The following ADAM12 variants were observed in gnomAD, a reference collection of about 807,000 sequenced individuals.
ADAM12 encodes the protein ADAM metallopeptidase domain 12, also known as disintegrin and metalloproteinase domain-containing protein 12.
A neutral mutation model predicts 106.4 loss-of-function variants in ADAM12; 70 were observed. The ratio of observed to expected loss-of-function variants is 0.66; its 90% CI spans 0.54 to 0.80. The LOEUF (loss-of-function observed/expected upper bound fraction) is 0.80, where lower values mean the gene tolerates loss of function less well. Among genes scored for constraint, ADAM12 ranks in the 30% least tolerant of loss-of-function variants. The pLI, the probability that ADAM12 is intolerant of heterozygous loss-of-function variation, is 0.00. For synonymous variants in ADAM12, 420 were observed against 433.5 expected (o/e 0.97, Z 0.39); for missense variants, 1,010 against 1,171.9 (o/e 0.86, Z 2.02).
At position 126,344,891 on chromosome 10, in the gene ADAM12, T is replaced by C. The variant is rs533727322; in HGVS notation, c.89-14382A>G. 8.1e-4 allele frequency among the ~76,000 whole-genome samples: 123 copies of C among 152,344 alleles called. 3 individuals carry two copies. The South Asian group carries it at 0.015, about 18-fold the overall frequency. On this transcript the variant is annotated intron_variant, in intron 1 of 22. Coordinates refer to ENST00000448723, the MANE Select transcript of ADAM12 (RefSeq NM_001288973.2). ...TTGATTTTGTATCCTGAGACTTTGCTGAAGTTGCTTATCAGCTTAAGGAGA... is the reference window on the plus strand; with the variant it reads ...TTGATTTTGTATCCTGAGACTTTGCCGAAGTTGCTTATCAGCTTAAGGAGA...
chr10:126,129,233 G>A (rs1157141969), intron 5 of ADAM12, among the ~76,000 whole-genome samples: 1 of 152,250 alleles, frequency 6.6e-6, no homozygotes, highest in African/African-American at 2.4e-5. Flanking sequence ...CCAGATACCT[G>A]AGTCAGAGCT....
intron 2 of ADAM12, among the ~76,000 whole-genome samples, chr10:126,301,002 T>C (rs376069050): frequency 6.6e-6 from 1 of 152,204 alleles, no homozygotes; most frequent in African/African-American, 2.4e-5. Flanking sequence ...TGGTTTCAAC[T>C]TGGGGCGATT....
chr10:126,342,647 A>G (rs756893116), intron 1 of ADAM12, among the ~76,000 whole-genome samples: 5 of 152,208 alleles, frequency 3.3e-5, no homozygotes, highest in Admixed American at 6.5e-5. Context: ...ATTCTGATCT[A>G]TTCCCACAGA....
intron 2 of ADAM12, among the ~76,000 whole-genome samples, chr10:126,284,510 C>T (rs905798194): frequency 6.6e-6 from 1 of 152,044 alleles, no homozygotes; most frequent in Non-Finnish European, 1.5e-5. Flanking sequence ...AGTCTTCTCA[C>T]CTCTACTATC....
At chr10:126,060,778 T>C (rs1055707839) in intron 14 of ADAM12, among the ~76,000 whole-genome samples, 2 of 152,194 alleles carry the variant, frequency 1.3e-5, no homozygotes, top group African/African-American at 4.8e-5. Flanking sequence ...AGGATTCACA[T>C]CCGCCCTCCC....
chr10:126,174,097 C>T (rs1322530856), intron 3 of ADAM12, among the ~76,000 whole-genome samples: 1 of 148,236 alleles, frequency 6.7e-6, no homozygotes, highest in East Asian at 2.0e-4. Context: ...AACCTCCCGC[C>T]TCCCGGTTTC....
chr10:126,209,675 T>C (rs747610584), intron 3 of ADAM12, among the ~76,000 whole-genome samples: 26 of 152,314 alleles, frequency 1.7e-4, no homozygotes, highest in South Asian at 8.3e-4. Flanking sequence ...TTTTTAGATA[T>C]AAAAAGTTTT....
chr10:126,048,721 C>CAA lies in ADAM12; in HGVS notation c.1917+530_1917+531dup, dbSNP rs59922804. Among the ~76,000 whole-genome samples, 719 of 140,604 alleles carry CAA rather than the reference C, an allele frequency of 5.1e-3. 6 individuals carry two copies. The highest frequency in any genetic ancestry group is 0.018 in the African/African-American group (686 of 38,622). The allele number at this position is 140,604 out of a possible 152,430, so 92.2% of individuals were successfully genotyped here. A position where few individuals can be genotyped will look rare whatever the true frequency, so the allele number is the denominator to read the frequency against. On this transcript the variant is annotated intron_variant, in intron 16 of 22. Transcript: ENST00000448723. ...AAAATCTCAAATTCTTTTTTTCTTC[C>CAA]AAAAAAAAAAAAAGTTTGACTTTAT... is the stretch of plus-strand genomic sequence containing the variant.
Position 126,076,927 on chromosome 10 carries a change from A to T in ADAM12, c.1146-5273T>A, listed in dbSNP as rs577294192. 2.6e-5 allele frequency among the ~76,000 whole-genome samples: 4 copies of T among 152,180 alleles called. No homozygotes were observed. The South Asian group carries it at 8.3e-4, about 32-fold the overall frequency. ...ATAAATTATTTGCCAAAGCCAAAAT[A>T]AAAGGCATCCAAATAGGAAAAGAAG... is the stretch of plus-strand genomic sequence containing the variant. On this transcript the variant is annotated intron_variant, in intron 11 of 22. Transcript: ENST00000448723.
Position 126,158,545 on chromosome 10 carries a change from G to A in ADAM12, c.261-3240C>T, listed in dbSNP as rs558110898. 3.1e-4 allele frequency among the ~76,000 whole-genome samples: 33 copies of A among 106,396 alleles called. 4 individuals carry two copies. Among genetic ancestry groups the A allele is most frequent in the African/African-American group, 9.4e-4 (29 of 30,710 alleles). The allele number at this position is 106,396 out of a possible 152,430, so 69.8% of individuals were successfully genotyped here. ...GGGAGGATGCACAGAGCACGGGGAG[G>A]ATGCACAGAGCATGGGGCAGGGATG... On this transcript the variant is annotated intron_variant, in intron 3 of 22. Transcript: ENST00000448723.
rs943771378 is a variant in ADAM12 at position 126,295,736 on chromosome 10, A to G, written c.187-16748T>C. ...AACCATGCACACTCTTTTGTCCCCA[A>G]TATGCCTGGACTTTTTGGTGGCCTA... On this transcript the variant is annotated intron_variant, in intron 2 of 22. Transcript: ENST00000448723. Among the ~76,000 whole-genome samples the G allele has an allele frequency of 4.6e-5, 7 of 152,328 alleles. No individual in the cohort carries two copies. The South Asian group carries it at 8.3e-4, about 18-fold the overall frequency.
chr10:126,359,220 A>G, intron 1 of ADAM12, among the ~76,000 whole-genome samples: 1 of 152,184 alleles, frequency 6.6e-6, no homozygotes, highest in East Asian at 1.9e-4. Context: ...TTGGGTGGGG[A>G]CACAGCCAAA....
At chr10:126,235,961 G>T (rs367614672) in intron 3 of ADAM12, among the ~76,000 whole-genome samples, 2 of 152,102 alleles carry the variant, frequency 1.3e-5, no homozygotes, top group East Asian at 1.9e-4. Flanking sequence ...AAGGGGCTGG[G>T]GGAGCAGAGG....
intron 3 of ADAM12, among the ~76,000 whole-genome samples, chr10:126,157,589 C>T (rs34135052): frequency 0.13 from 19,981 of 152,278 alleles, 1,422 homozygotes; most frequent in East Asian, 0.16. Context: ...GTCTACTTAA[C>T]AGCGAGTGTT....
chr10:126,261,259 A>G (rs1480211934), intron 3 of ADAM12, among the ~76,000 whole-genome samples: 1 of 152,198 alleles, frequency 6.6e-6, no homozygotes, highest in Admixed American at 6.5e-5. Context: ...TAAAAATTCT[A>G]TATGGGAACC....
At chr10:126,170,658 A>C (rs1838554176) in intron 3 of ADAM12, among the ~76,000 whole-genome samples, 1 of 152,216 alleles carries the variant, frequency 6.6e-6, no homozygotes, top group African/African-American at 2.4e-5. Context: ...GGGACAAGGA[A>C]GGATTGTAAA....
chr10:126,276,883 A>G (rs1476321680), intron 3 of ADAM12, among the ~76,000 whole-genome samples: 2 of 152,224 alleles, frequency 1.3e-5, no homozygotes, highest in African/African-American at 4.8e-5. Context: ...CTAGCAGTCA[A>G]CGTGTATTAT....
chr10:126,108,748 T>C, intron 7 of ADAM12, 84 bp from the exon 8 acceptor site: 1 of 1,326,912 alleles, frequency 7.5e-7, no homozygotes, highest in Non-Finnish European at 1.1e-6. Context: ...ATGTGAAGTC[T>C]TGGGATTTTA....
chr10:126,122,870 A>G (rs1464552711), intron 5 of ADAM12, among the ~76,000 whole-genome samples: 1 of 152,238 alleles, frequency 6.6e-6, no homozygotes, highest in African/African-American at 2.4e-5. Flanking sequence ...AACATTTTCT[A>G]TTTTACATCG....
Sources: allele counts gnomAD v4.1 joint callset (sites outside exome capture counted in the v4.1 genomes callset), GRCh38; gene constraint gnomAD v4.1.1; transcripts MANE v1.5; gene names NCBI Gene and HGNC (gene_info 2026-07-23, HGNC 2026-07-21).